The following ZFAT variants were observed in gnomAD, a reference collection of about 807,000 sequenced individuals.
The protein encoded by ZFAT is zinc finger protein ZFAT.
ZFAT carries 64 observed loss-of-function variants against 117.7 expected under a neutral mutation model. The observed-to-expected ratio is 0.54, with a 90% confidence interval of 0.44 to 0.67. ZFAT has a LOEUF of 0.67. Among genes scored for constraint, ZFAT ranks in the 30% least tolerant of loss-of-function variants. The probability of loss-of-function intolerance (pLI) is 0.00; values close to 1 mark genes in which losing one functional copy is unlikely to be tolerated. For synonymous variants in ZFAT, 679 were observed against 615.0 expected, an observed-to-expected ratio of 1.10 and a Z score of -1.54; for missense variants, 1,433 against 1,584.5, an observed-to-expected ratio of 0.90 and a Z score of 1.62.
Position 134,478,334 on chromosome 8 carries a change from G to T in ZFAT, c.*148C>A. Reference sequence around the variant, plus strand: ...CTGACTGCCTTGCCCACCCCAAGTTGGACTAGGAGAGTCCTATCAGGCTGC... The same window carrying T: ...CTGACTGCCTTGCCCACCCCAAGTTTGACTAGGAGAGTCCTATCAGGCTGC... On this transcript the variant is annotated 3_prime_UTR_variant, in exon 16 of 16. Transcript: ENST00000377838. This position sits in a 1 kb window ranked among gnomAD's most constrained non-coding sequence, Gnocchi z 5.2. The T allele has an allele frequency of 1.6e-6, 2 of 1,229,510 alleles. No individual in the cohort carries two copies. The highest frequency in any genetic ancestry group is 2.2e-6 in the Non-Finnish European group (2 of 908,248). The allele number at this position is 1,229,510 out of a possible 1,614,324, so 76.2% of individuals were successfully genotyped here.
At chr8:134,670,596 T>C (rs200253037) in intron 1 of ZFAT, among the ~76,000 whole-genome samples, 1 of 152,212 alleles carries the variant, frequency 6.6e-6, no homozygotes, top group Non-Finnish European at 1.5e-5. Context: ...GGGACACATT[T>C]AAAGCAGTGT....
chr8:134,532,431 T>C (rs1211855366), intron 12 of ZFAT, among the ~76,000 whole-genome samples: 1 of 152,226 alleles, frequency 6.6e-6, no homozygotes, highest in African/African-American at 2.4e-5. Context: ...TTGGAAATCA[T>C]AATTAGGAAG....
chr8:134,802,621 A>G, the ZFAT span, among the ~76,000 whole-genome samples: 56 of 152,352 alleles, frequency 3.7e-4, no homozygotes, highest in East Asian at 8.7e-3. Flanking sequence ...AGTTGTCCCT[A>G]AGTCATTTCA....
intron 1 of ZFAT, among the ~76,000 whole-genome samples, chr8:134,689,753 C>T (rs990782676): frequency 1.6e-4 from 25 of 152,298 alleles, no homozygotes; most frequent in East Asian, 9.6e-4. Flanking sequence ...CCACCAGGGA[C>T]GCCTCCTAGA....
At chr8:134,520,857 A>G (rs1227437602) in intron 13 of ZFAT, 26 bp downstream of exon 13, 1 of 1,581,352 alleles carries the variant, frequency 6.3e-7, no homozygotes, top group Admixed American at 1.7e-5. Flanking sequence ...AAATGTCAAG[A>G]TTAATACCAT....
chr8:134,485,294 C>G (rs539973503), intron 15 of ZFAT, among the ~76,000 whole-genome samples: 1 of 152,284 alleles, frequency 6.6e-6, no homozygotes, highest in African/African-American at 2.4e-5. Flanking sequence ...CAGCTGTGGG[C>G]TTGGCCAAGC....
At chr8:134,664,453 T>C (rs1354703637) in intron 1 of ZFAT, among the ~76,000 whole-genome samples, 3 of 152,236 alleles carry the variant, frequency 2.0e-5, no homozygotes, top group African/African-American at 7.2e-5. Flanking sequence ...GGGCGCTCTA[T>C]GCTGCTCCTA....
At chr8:134,712,816 GTCT>G in intron 1 of ZFAT, 26 bp downstream of exon 1, 29 of 399,990 alleles carry the variant, frequency 7.3e-5, no homozygotes, top group Non-Finnish European at 1.0e-4. Flanking sequence ...CCCCCACCCC[GTCT>G]CACCCCAACC....
At chr8:134,830,235 C>T in the ZFAT span, among the ~76,000 whole-genome samples, 1 of 152,180 alleles carries the variant, frequency 6.6e-6, no homozygotes, top group Non-Finnish European at 1.5e-5. Flanking sequence ...ATAATCTTTT[C>T]AGGTTGTAAC....
the ZFAT span, among the ~76,000 whole-genome samples, chr8:134,773,992 T>TC: frequency 5.2e-5 from 7 of 134,948 alleles, no homozygotes; most frequent in East Asian, 1.5e-3. Flanking sequence ...TAATTTTTTT[T>TC]TTTTTTTTTT....
upstream of ZFAT, among the ~76,000 whole-genome samples, chr8:134,715,027 AT>A (rs1424402435): frequency 1.3e-5 from 2 of 152,210 alleles, no homozygotes; most frequent in Non-Finnish European, 2.9e-5. Context: ...AACTATAAAT[AT>A]TTACAATAAT....
intron 12 of ZFAT, among the ~76,000 whole-genome samples, chr8:134,527,140 G>T (rs185942515): frequency 6.6e-6 from 1 of 152,268 alleles, no homozygotes; most frequent in East Asian, 1.9e-4. Context: ...GCCATTTCTG[G>T]CTTTGAAGGT....
chr8:134,770,412 C>A, the ZFAT span, among the ~76,000 whole-genome samples: 1 of 152,156 alleles, frequency 6.6e-6, no homozygotes, highest in Non-Finnish European at 1.5e-5. Flanking sequence ...AGTCTCTAAA[C>A]ATAAGTTGTG....
At chr8:134,551,468 T>G (rs541401480) in intron 11 of ZFAT, among the ~76,000 whole-genome samples, 1 of 152,322 alleles carries the variant, frequency 6.6e-6, no homozygotes, top group South Asian at 2.1e-4. Context: ...CATTCAACCT[T>G]GTGGTGGAAC....
chr8:134,559,183 C>T (rs1823875602), intron 11 of ZFAT, among the ~76,000 whole-genome samples: 1 of 152,212 alleles, frequency 6.6e-6, no homozygotes, highest in East Asian at 1.9e-4. Context: ...AAAAGTCTCA[C>T]TCTCAGCCCT....
At chr8:134,586,973 T>C (rs1454640488) in intron 9 of ZFAT, among the ~76,000 whole-genome samples, 2 of 152,212 alleles carry the variant, frequency 1.3e-5, no homozygotes, top group Non-Finnish European at 2.9e-5. Context: ...CTGACTCCAA[T>C]AACGTGAGTC....
rs561569993 is a variant in ZFAT, at chr8:134,651,649, A to G, written c.196+5912T>C. Among the ~76,000 whole-genome samples, 352 of 152,360 alleles carry G rather than the reference A, an allele frequency of 2.3e-3. 1 individual carries two copies. The highest frequency in any genetic ancestry group is 8.2e-3 in the African/African-American group (340 of 41,578). ...ACAAGATAAAAGCAAAGAAAACATA[A>G]AAGTTAGGGTAAAGGTATAGAGAAG... is the stretch of plus-strand genomic sequence containing the variant. On this transcript the variant is annotated intron_variant, in intron 2 of 15. Transcript: ENST00000377838.
intron 2 of ZFAT, 75 bp downstream of exon 2, chr8:134,657,486 T>C (rs1831675501): frequency 7.2e-7 from 1 of 1,397,312 alleles, no homozygotes; most frequent in South Asian, 1.5e-5. Flanking sequence ...TCTAGGCTTC[T>C]GCTATGCCCA....
At chr8:134,620,997 A>G (rs895945254) in intron 3 of ZFAT, among the ~76,000 whole-genome samples, 1 of 152,096 alleles carries the variant, frequency 6.6e-6, no homozygotes, top group African/African-American at 2.4e-5. Flanking sequence ...TGCTAATTAC[A>G]CAGTTAATTC....
Sources: allele counts gnomAD v4.1 joint callset (sites outside exome capture counted in the v4.1 genomes callset), GRCh38; gene constraint gnomAD v4.1.1; non-coding constraint Gnocchi (gnomAD v3.1); transcripts MANE v1.5; gene names NCBI Gene and HGNC (gene_info 2026-07-23, HGNC 2026-07-21).